Variants in RAVER2 observed in about 807,000 individuals in gnomAD.
RAVER2 encodes the protein ribonucleoprotein, PTB binding 2, also known as ribonucleoprotein PTB-binding 2.
RAVER2 carries 46 observed loss-of-function variants against 78.1 expected under a neutral mutation model. The observed-to-expected ratio is 0.59, with a 90% confidence interval of 0.46 to 0.75. The LOEUF is 0.75. RAVER2 is among the 30% of genes least tolerant of loss of function. The pLI is 0.00. For missense variants in RAVER2, 793 were observed against 837.5 expected, an observed-to-expected ratio of 0.95 and a Z score of 0.66; for synonymous variants, 311 against 313.3, an observed-to-expected ratio of 0.99 and a Z score of 0.08.
chr1:64,827,171 C>A (rs1331514835), intron 11 of RAVER2, among the ~76,000 whole-genome samples: 1 of 152,024 alleles, frequency 6.6e-6, no homozygotes, highest in African/African-American at 2.4e-5. Flanking sequence ...AGTAAAGACA[C>A]CAGGGGTTAG....
intron 2 of RAVER2, among the ~76,000 whole-genome samples, chr1:64,769,749 C>T (rs141808499): frequency 6.2e-4 from 95 of 152,140 alleles, no homozygotes; most frequent in African/African-American, 2.0e-3. Flanking sequence ...TCCTTCCTTA[C>T]CTTCAGCATG....
chr1:64,821,278 C>T (rs1653881622), intron 11 of RAVER2, among the ~76,000 whole-genome samples: 1 of 151,828 alleles, frequency 6.6e-6, no homozygotes, highest in Non-Finnish European at 1.5e-5. Flanking sequence ...AATTTAAGTT[C>T]CTTGTAAGTG....
intron 1 of RAVER2, among the ~76,000 whole-genome samples, chr1:64,763,703 A>C (rs968489679): frequency 6.6e-6 from 1 of 152,038 alleles, no homozygotes; most frequent in Non-Finnish European, 1.5e-5. Context: ...GGAGTTCAGG[A>C]CCAGCCTGGC....
At chr1:64,831,111 G>A in exon 12 of RAVER2, 1 of 1,005,244 alleles carries the variant, frequency 9.9e-7, no homozygotes, top group Non-Finnish European at 1.4e-6. Flanking sequence ...AGAAGGAACT[G>A]TGTTGTGCAG....
At chr1:64,810,623 G>A (rs1207718486) in intron 9 of RAVER2, among the ~76,000 whole-genome samples, 1 of 152,164 alleles carries the variant, frequency 6.6e-6, no homozygotes, top group Non-Finnish European at 1.5e-5. Context: ...CCATCCCAAT[G>A]GGTGTGAAGT....
intron 3 of RAVER2, among the ~76,000 whole-genome samples, chr1:64,779,389 A>AT (rs36002286): frequency 3.2e-4 from 48 of 149,716 alleles, no homozygotes; most frequent in Non-Finnish European, 4.0e-4. Flanking sequence ...TATTTTTAAC[A>AT]TTTTTTTTTT....
At chr1:64,798,449 T>C (rs558212538) in intron 5 of RAVER2, among the ~76,000 whole-genome samples, 3,601 of 150,456 alleles carry the variant, frequency 0.024, 62 homozygotes, top group Non-Finnish European at 0.039. Flanking sequence ...AGTAATGGGA[T>C]GGCTGGGTCA....
intron 4 of RAVER2, among the ~76,000 whole-genome samples, chr1:64,783,197 G>T (rs535020713): frequency 6.6e-6 from 1 of 152,162 alleles, no homozygotes. Context: ...ATATATGTGT[G>T]CATGTGTCTT....
chr1:64,786,548 C>T (rs1570554613), intron 4 of RAVER2, among the ~76,000 whole-genome samples: 2 of 151,806 alleles, frequency 1.3e-5, no homozygotes, highest in Admixed American at 1.3e-4. Context: ...TCCAGCACTT[C>T]GGGTGGCCGA....
intron 2 of RAVER2, among the ~76,000 whole-genome samples, chr1:64,776,076 A>G (rs1652455617): frequency 6.6e-6 from 1 of 152,024 alleles, no homozygotes; most frequent in African/African-American, 2.4e-5. Context: ...AACAGGTTCA[A>G]ATGCCCTGAG....
At chr1:64,812,955 C>A in intron 10 of RAVER2, 106 bp downstream of exon 10, 1 of 615,790 alleles carries the variant, frequency 1.6e-6, no homozygotes, top group Non-Finnish European at 2.6e-6. Context: ...ACCTATTGAC[C>A]AAATTAAGGC....
At chr1:64,750,960 C>T (rs1651681283) in intron 1 of RAVER2, among the ~76,000 whole-genome samples, 2 of 152,210 alleles carry the variant, frequency 1.3e-5, no homozygotes, top group African/African-American at 4.8e-5. Context: ...ATTTCTGGGA[C>T]ACCACTGTCT....
intron 2 of RAVER2, among the ~76,000 whole-genome samples, chr1:64,774,101 T>G (rs550682107): frequency 6.6e-6 from 1 of 152,348 alleles, no homozygotes; most frequent in South Asian, 2.1e-4. Flanking sequence ...ATGGATAGAT[T>G]GCAAAAATTT....
intron 4 of RAVER2, among the ~76,000 whole-genome samples, chr1:64,783,430 G>T (rs1258647373): frequency 6.6e-6 from 1 of 152,138 alleles, no homozygotes; most frequent in Non-Finnish European, 1.5e-5. Flanking sequence ...CATTCTAACT[G>T]GTGTGAAATG....
intron 8 of RAVER2, among the ~76,000 whole-genome samples, chr1:64,805,606 C>G (rs1428886254): frequency 1.3e-5 from 2 of 152,028 alleles, no homozygotes; most frequent in African/African-American, 4.8e-5. Flanking sequence ...GCTTTTTTGG[C>G]AGGAAAACAG....
exon 12 of RAVER2, chr1:64,831,723 CCTGCAAGCTAAGA>C (rs1441395240): frequency 6.6e-6 from 1 of 152,174 alleles, no homozygotes; most frequent in African/African-American, 2.4e-5. Flanking sequence ...TTTTGTGCTG[CCTGCAAGCTAAGA>C]CTAATGTTTA....
chr1:64,780,484 A>AAGAAACTG (rs2100837582), intron 3 of RAVER2, among the ~76,000 whole-genome samples: 1 of 152,308 alleles, frequency 6.6e-6, no homozygotes, highest in Admixed American at 6.5e-5. Context: ...AACAAGAGAA[A>AAGAAACTG]AGAAACTGAG....
intron 2 of RAVER2, among the ~76,000 whole-genome samples, chr1:64,777,411 A>G (rs1054719559): frequency 2.6e-5 from 4 of 152,158 alleles, no homozygotes; most frequent in African/African-American, 9.7e-5. Flanking sequence ...TGTTGATGAA[A>G]TTAGTTTAAT....
At chr1:64,798,544 T>A (rs1653167178) in intron 5 of RAVER2, among the ~76,000 whole-genome samples, 1 of 152,146 alleles carries the variant, frequency 6.6e-6, no homozygotes, top group South Asian at 2.1e-4. Flanking sequence ...CCACCAACAA[T>A]GTAAAAGTGT....
Sources: gnomAD v4.1 joint callset for allele counts (sites outside exome capture counted in the v4.1 genomes callset) on GRCh38, gnomAD v4.1.1 for gene constraint, MANE v1.5 for transcripts, NCBI Gene and HGNC (gene_info 2026-07-23, HGNC 2026-07-21) for gene names.